Variants in CDH18 observed in about 807,000 individuals in gnomAD.
CDH18 encodes the protein cadherin-18.
CDH18 carries 31 observed loss-of-function variants against 67.9 expected under a neutral mutation model. The observed-to-expected ratio is 0.46, with a 90% confidence interval of 0.34 to 0.62. CDH18 has a LOEUF of 0.62. CDH18 is among the 20% of genes least tolerant of loss of function. CDH18 has a pLI of 0.01. For synonymous variants in CDH18, 362 were observed against 347.2 expected, an observed-to-expected ratio of 1.04 and a Z score of -0.48; for missense variants, 890 against 975.5, an observed-to-expected ratio of 0.91 and a Z score of 1.17.
intron 1 of CDH18, among the ~76,000 whole-genome samples, chr5:20,432,916 C>T (rs1367889996): frequency 6.8e-6 from 1 of 148,144 alleles, no homozygotes; most frequent in East Asian, 2.0e-4. Flanking sequence ...ATATTTTAGG[C>T]CTCTTATAGA....
In CDH18 at chr5:19,936,882, A is replaced by G. The variant is rs565533738; in HGVS notation, c.-257+44178T>C. On this transcript the variant is annotated intron_variant, in intron 2 of 12. Transcript: ENST00000382275. ...AAAAATAGGTTAGAAATGAATATAG[A>G]TGTAATAATATTATACATATAGATA... Among the ~76,000 whole-genome samples the G allele has an allele frequency of 2.0e-5, 3 of 151,190 alleles. No individual in the cohort carries two copies. The East Asian group carries it at 5.8e-4, about 29-fold the overall frequency.
chr5:19,770,442 T>C (rs888466686), intron 3 of CDH18, among the ~76,000 whole-genome samples: 4 of 152,154 alleles, frequency 2.6e-5, no homozygotes, highest in African/African-American at 9.7e-5. Flanking sequence ...CCCACACATG[T>C]AACTATAACC....
At chr5:19,618,063 A>G (rs1750115258) in intron 5 of CDH18, among the ~76,000 whole-genome samples, 2 of 152,230 alleles carry the variant, frequency 1.3e-5, no homozygotes, top group South Asian at 4.1e-4. Flanking sequence ...CAAAATAAAA[A>G]TGCCTAACGG....
At chr5:20,359,131 A>G (rs1288830850) in intron 1 of CDH18, among the ~76,000 whole-genome samples, 1 of 151,924 alleles carries the variant, frequency 6.6e-6, no homozygotes, top group Non-Finnish European at 1.5e-5. Context: ...TGCTTTCTCT[A>G]TGTTGGTCAG....
At chr5:19,840,733 G>A (rs1430127076) in intron 2 of CDH18, among the ~76,000 whole-genome samples, 1 of 151,920 alleles carries the variant, frequency 6.6e-6, no homozygotes, top group Non-Finnish European at 1.5e-5. Flanking sequence ...AAGAATGACT[G>A]AAATTATAAG....
chr5:20,359,199 G>A (rs1741889062), intron 1 of CDH18, among the ~76,000 whole-genome samples: 1 of 151,982 alleles, frequency 6.6e-6, no homozygotes, highest in Admixed American at 6.6e-5. Flanking sequence ...CCAAAATATT[G>A]GGATTACAAG....
intron 5 of CDH18, among the ~76,000 whole-genome samples, chr5:19,707,594 C>T (rs951908882): frequency 1.3e-5 from 2 of 152,114 alleles, no homozygotes; most frequent in Non-Finnish European, 2.9e-5. Flanking sequence ...GAACATCTGC[C>T]TATCTGTTTG....
At chr5:20,407,789 T>C (rs537733379) in intron 1 of CDH18, among the ~76,000 whole-genome samples, 35 of 151,700 alleles carry the variant, frequency 2.3e-4, no homozygotes, top group African/African-American at 8.2e-4. Flanking sequence ...GAGACAAATA[T>C]ACACATTAGA....
At chr5:19,896,248 A>G (rs1211239326) in intron 2 of CDH18, among the ~76,000 whole-genome samples, 2 of 152,004 alleles carry the variant, frequency 1.3e-5, no homozygotes, top group African/African-American at 4.8e-5. Flanking sequence ...AATCCCAGCT[A>G]CTTTGCAGGA....
intron 1 of CDH18, among the ~76,000 whole-genome samples, chr5:20,323,887 A>C (rs1303121001): frequency 6.6e-6 from 1 of 152,200 alleles, no homozygotes; most frequent in Non-Finnish European, 1.5e-5. Flanking sequence ...TCGATGTCTT[A>C]ATTCACCTGA....
chr5:20,029,643 C>A (rs1739215293), intron 2 of CDH18, among the ~76,000 whole-genome samples: 2 of 152,164 alleles, frequency 1.3e-5, no homozygotes, highest in Non-Finnish European at 2.9e-5. Context: ...AATTTTTAAA[C>A]TGGCTTTTCT....
chr5:20,405,115 G>A (rs1023851465), intron 1 of CDH18, among the ~76,000 whole-genome samples: 2 of 152,066 alleles, frequency 1.3e-5, no homozygotes, highest in Admixed American at 6.6e-5. Flanking sequence ...CCAAAAAAGA[G>A]CCCACATTGC....
chr5:20,403,969 G>A (rs944011525), intron 1 of CDH18, among the ~76,000 whole-genome samples: 6 of 152,170 alleles, frequency 3.9e-5, no homozygotes, highest in African/African-American at 1.4e-4. Context: ...AAAGATCTTA[G>A]CTGAATCTTC....
intron 5 of CDH18, among the ~76,000 whole-genome samples, chr5:19,675,413 A>T (rs4386735): frequency 1.3e-5 from 2 of 151,856 alleles, no homozygotes; most frequent in African/African-American, 4.8e-5. Context: ...TTAACGACAA[A>T]CGTAAAAGAC....
At chr5:20,060,004 T>A (rs1023993950) in intron 2 of CDH18, among the ~76,000 whole-genome samples, 2 of 152,010 alleles carry the variant, frequency 1.3e-5, no homozygotes, top group African/African-American at 2.4e-5. Flanking sequence ...AGGGATAGCA[T>A]TAGAAGAAAT....
At chr5:19,722,608 A>C (rs1766256460) in intron 4 of CDH18, among the ~76,000 whole-genome samples, 1 of 151,694 alleles carries the variant, frequency 6.6e-6, no homozygotes, top group South Asian at 2.1e-4. Context: ...TCTAAGTATA[A>C]CATGACAACC....
chr5:20,162,835 G>T (rs1174467292), intron 2 of CDH18, among the ~76,000 whole-genome samples: 1 of 151,948 alleles, frequency 6.6e-6, no homozygotes, highest in East Asian at 1.9e-4. Context: ...AAGGCAGGAG[G>T]ATCATCTGAG....
intron 2 of CDH18, among the ~76,000 whole-genome samples, chr5:19,893,021 T>C (rs1788940855): frequency 6.6e-6 from 1 of 152,134 alleles, no homozygotes; most frequent in African/African-American, 2.4e-5. Flanking sequence ...CCCAATGTGA[T>C]AGCAGTGAGA....
At chr5:20,125,300 G>A (rs916453517) in intron 2 of CDH18, among the ~76,000 whole-genome samples, 18 of 151,616 alleles carry the variant, frequency 1.2e-4, no homozygotes, top group African/African-American at 4.4e-4. Context: ...GTGTGTGTGT[G>A]TATATGTGTT....
Sources: gnomAD v4.1 joint callset for allele counts (sites outside exome capture counted in the v4.1 genomes callset) on GRCh38, gnomAD v4.1.1 for gene constraint, MANE v1.5 for transcripts, NCBI Gene and HGNC (gene_info 2026-07-23, HGNC 2026-07-21) for gene names.